MARK3: variants seen among roughly 807,000 people sequenced by gnomAD.
MARK3 encodes MAP/microtubule affinity-regulating kinase 3.
A neutral mutation model predicts 90.1 loss-of-function variants in MARK3; 46 were observed. The observed-to-expected ratio is 0.51, with a 90% confidence interval of 0.40 to 0.65. The LOEUF is 0.65. Among genes scored for constraint, MARK3 ranks in the 30% least tolerant of loss-of-function variants. The pLI, the probability that MARK3 is intolerant of heterozygous loss-of-function variation, is 0.00. For synonymous variants in MARK3, 321 were observed against 332.6 expected (o/e 0.97, Z 0.38); for missense variants, 818 against 947.2 (o/e 0.86, Z 1.79).
intron 2 of MARK3, among the ~76,000 whole-genome samples, chr14:103,420,322 T>C (rs981594063): frequency 6.6e-6 from 1 of 152,138 alleles, no homozygotes; most frequent in African/African-American, 2.4e-5. Context: ...CTCTACCTCC[T>C]GGGCCCAAGC....
At chr14:103,390,438 T>C (rs1417851397) in intron 1 of MARK3, among the ~76,000 whole-genome samples, 1 of 148,820 alleles carries the variant, frequency 6.7e-6, no homozygotes, top group Non-Finnish European at 1.5e-5. Context: ...GAGATGTAGT[T>C]GTACCTGTAC....
chr14:103,432,396 T>G (rs934153740), intron 3 of MARK3, among the ~76,000 whole-genome samples: 4 of 152,206 alleles, frequency 2.6e-5, no homozygotes, highest in African/African-American at 9.6e-5. Flanking sequence ...AGGGTCTTTG[T>G]GGGGAAATCC....
chr14:103,401,091 T>C, intron 1 of MARK3, among the ~76,000 whole-genome samples: 1 of 151,866 alleles, frequency 6.6e-6, no homozygotes, highest in Admixed American at 6.6e-5. Flanking sequence ...ATGTTGGTAC[T>C]GAGTGCTGTG....
intron 2 of MARK3, chr14:103,412,866 C>A: frequency 3.3e-6 from 1 of 303,294 alleles, no homozygotes. Flanking sequence ...GTCTTTCTTT[C>A]TTTTTTTTCT....
At chr14:103,431,272 A>G (rs2092573580) in intron 3 of MARK3, among the ~76,000 whole-genome samples, 1 of 151,952 alleles carries the variant, frequency 6.6e-6, no homozygotes, top group Non-Finnish European at 1.5e-5. Context: ...TTGTATTTTT[A>G]GTACAGATGG....
At chr14:103,443,258 C>A (rs1301524448) in intron 3 of MARK3, among the ~76,000 whole-genome samples, 1 of 152,148 alleles carries the variant, frequency 6.6e-6, no homozygotes, top group East Asian at 1.9e-4. Flanking sequence ...TGATTGAATT[C>A]TTTGAGATCT....
chr14:103,442,434 G>T (rs2141221050), intron 3 of MARK3, among the ~76,000 whole-genome samples: 1 of 151,928 alleles, frequency 6.6e-6, no homozygotes, highest in Middle Eastern at 3.4e-3. Context: ...CCCTTTTCAG[G>T]ATACATAACA....
At chr14:103,409,472 A>AT (rs2091508187) in intron 2 of MARK3, among the ~76,000 whole-genome samples, 3 of 140,454 alleles carry the variant, frequency 2.1e-5, no homozygotes, top group Admixed American at 7.2e-5. Flanking sequence ...AAAAGGAAAA[A>AT]CTTTGAACAA....
At chr14:103,483,277 T>G (rs988502283) in intron 14 of MARK3, among the ~76,000 whole-genome samples, 1 of 152,218 alleles carries the variant, frequency 6.6e-6, no homozygotes, top group Non-Finnish European at 1.5e-5. Context: ...ACATGTTAAG[T>G]TCCAATTTTA....
In MARK3 at chr14:103,491,843, T is replaced by C; in HGVS notation, c.1653T>C (p.Asp551=). The change falls in exon 15 of 18, where the codon GAT becomes GAC. Residue 551 remains aspartate, a synonymous_variant. Transcript: ENST00000429436. ...GTATCAGTAGTGCAGCCACCCCAGA[T>C]CGAATCCGCTTCCCAAGAGGCACTG... ...THSISSAATP[D]RIRFPRGTAS... The C allele has an allele frequency of 6.2e-7, 1 of 1,614,146 alleles. No individual in the cohort carries two copies. The highest frequency in any genetic ancestry group is 1.3e-5 in the African/African-American group (1 of 75,018).
intron 7 of MARK3, among the ~76,000 whole-genome samples, chr14:103,464,772 C>G (rs1249563130): frequency 2.0e-5 from 3 of 152,142 alleles, no homozygotes; most frequent in Non-Finnish European, 4.4e-5. Context: ...TCATAGCTCA[C>G]TGCAGCCTCA....
chr14:103,414,163 G>A (rs1224194906), intron 2 of MARK3, among the ~76,000 whole-genome samples: 6 of 151,360 alleles, frequency 4.0e-5, no homozygotes, highest in African/African-American at 1.5e-4. Flanking sequence ...GGTCTGGTCT[G>A]TGAATTGGTG....
At chr14:103,481,788 A>G (rs1470925904) in intron 14 of MARK3, among the ~76,000 whole-genome samples, 1 of 47,628 alleles carries the variant, frequency 2.1e-5, no homozygotes, top group Non-Finnish European at 4.9e-5. Flanking sequence ...TTTTTTTGAG[A>G]CAGAGTCTCA....
rs117678524 is a variant in MARK3, at chr14:103,430,409, G to A, written c.297+1969G>A. ...CCCCCAGCAATTTTGCAACAATGTA[G>A]AATGTACCAGGCAACTTTGTCAGCC... On this transcript the variant is annotated intron_variant, in intron 3 of 17. Transcript: ENST00000429436. Among the ~76,000 whole-genome samples, 991 of 121,426 alleles carry A rather than the reference G, an allele frequency of 8.2e-3. 9 individuals carry two copies. The highest frequency in any genetic ancestry group is 0.017 in the Middle Eastern group (2 of 118). The allele number at this position is 121,426 out of a possible 152,430, so 79.7% of individuals were successfully genotyped here. A position where few individuals can be genotyped will look rare whatever the true frequency, so the allele number is the denominator to read the frequency against.
rs1325637801 is a variant in MARK3 at position 103,480,291 on chromosome 14, A to G, written c.1483-96A>G. On this transcript the variant is annotated intron_variant, in intron 13 of 17. Coordinates refer to ENST00000429436, the MANE Select transcript of MARK3 (RefSeq NM_001128918.3). ...CCTTGCCTCAAAAAACAAGTAAATA[A>G]AAGACTGACATTCCTATTTATGTAG... 7.8e-6 allele frequency: 6 copies of G among 764,960 alleles called. No individual in the cohort carries two copies. In the East Asian group the frequency reaches 1.6e-4, roughly 20 times the overall value. The allele number at this position is 764,960 out of a possible 1,614,324, so 47.4% of individuals were successfully genotyped here. A position where few individuals can be genotyped will look rare whatever the true frequency, so the allele number is the denominator to read the frequency against.
chr14:103,467,996 T>C (rs781647501), intron 11 of MARK3, 37 bp from the exon 12 acceptor site: 1 of 1,605,520 alleles, frequency 6.2e-7, no homozygotes, highest in South Asian at 1.1e-5. Flanking sequence ...TTTGGGTTCG[T>C]GTTGTGGTTT....
chr14:103,433,608 C>G lies in MARK3; in HGVS notation c.297+5168C>G, dbSNP rs563012338. On this transcript the variant is annotated intron_variant, in intron 3 of 17. Coordinates refer to ENST00000429436, the MANE Select transcript of MARK3 (RefSeq NM_001128918.3). ...GCTGAGGCACAAGAATCGCTTGAAC[C>G]TCGGAGGCGGAGGTTGCAGTGAGCC... Among the ~76,000 whole-genome samples, 175 of 152,160 alleles carry G rather than the reference C, an allele frequency of 1.2e-3. 1 individual carries two copies. The highest frequency in any genetic ancestry group is 4.0e-3 in the African/African-American group (168 of 41,550).
chr14:103,470,647 G>A (rs1056401508), intron 12 of MARK3, among the ~76,000 whole-genome samples: 1 of 150,934 alleles, frequency 6.6e-6, no homozygotes, highest in African/African-American at 2.4e-5. Flanking sequence ...GTAGAGACGG[G>A]GTTTCACCAC....
chr14:103,388,088 C>G (rs994977363), intron 1 of MARK3, among the ~76,000 whole-genome samples: 6 of 152,176 alleles, frequency 3.9e-5, no homozygotes, highest in African/African-American at 1.2e-4. Context: ...TGTGCCACCA[C>G]TCCCGGCTAA....
Sources: allele counts gnomAD v4.1 joint callset (sites outside exome capture counted in the v4.1 genomes callset), GRCh38; gene constraint gnomAD v4.1.1; transcripts MANE v1.5; gene names NCBI Gene and HGNC (gene_info 2026-07-23, HGNC 2026-07-21).